The following PRKG1 variants were observed in gnomAD, a reference collection of about 807,000 sequenced individuals.
PRKG1 encodes the protein cGMP-dependent protein kinase 1.
PRKG1 carries 35 observed loss-of-function variants against 88.1 expected under a neutral mutation model. That is an observed-to-expected ratio of 0.40 (90% CI 0.30 to 0.53). PRKG1 has a LOEUF of 0.53. Ranked by LOEUF, PRKG1 falls within the 20% of genes least tolerant of loss-of-function variation. PRKG1 has a pLI of 0.59. For synonymous variants in PRKG1, 303 were observed against 292.5 expected, an observed-to-expected ratio of 1.04 and a Z score of -0.37; for missense variants, 540 against 839.8, an observed-to-expected ratio of 0.64 and a Z score of 4.41.
intron 2 of PRKG1, among the ~76,000 whole-genome samples, chr10:51,366,666 T>C (rs1842596509): frequency 6.6e-6 from 1 of 151,930 alleles, no homozygotes; most frequent in African/African-American, 2.4e-5. Flanking sequence ...AGACACACTA[T>C]TTAAATGTTT....
intron 1 of PRKG1, among the ~76,000 whole-genome samples, chr10:51,102,244 A>T (rs924463050): frequency 2.6e-5 from 4 of 152,196 alleles, no homozygotes; most frequent in Admixed American, 2.0e-4. Context: ...ATTTAACTGC[A>T]TATTTGTATA....
At chr10:51,675,797 C>T (rs998309780) in intron 3 of PRKG1, among the ~76,000 whole-genome samples, 10 of 152,026 alleles carry the variant, frequency 6.6e-5, no homozygotes, top group Non-Finnish European at 1.3e-4. Context: ...TTCTATAGTT[C>T]TTGAACAAAA....
At chr10:51,443,613 C>CCTCA (rs1417092804) in intron 2 of PRKG1, among the ~76,000 whole-genome samples, 1 of 151,914 alleles carries the variant, frequency 6.6e-6, no homozygotes, top group Non-Finnish European at 1.5e-5. Flanking sequence ...TCCCTTCAGC[C>CCTCA]CTCACTCCTG....
chr10:52,286,769 A>G (rs1052337639), intron 14 of PRKG1, among the ~76,000 whole-genome samples: 1 of 151,928 alleles, frequency 6.6e-6, no homozygotes, highest in Admixed American at 6.6e-5. Context: ...TTTAGGAATT[A>G]ATATTGGTTA....
intron 7 of PRKG1, among the ~76,000 whole-genome samples, chr10:52,069,505 G>C (rs75497325): frequency 0.037 from 5,657 of 152,126 alleles, 126 homozygotes; most frequent in Middle Eastern, 0.058. Context: ...CCTCCAGCCT[G>C]TGAGCCTGAG....
chr10:51,067,500 A>G (rs1843767791), intron 1 of PRKG1, among the ~76,000 whole-genome samples: 1 of 152,016 alleles, frequency 6.6e-6, no homozygotes, highest in Non-Finnish European at 1.5e-5. Flanking sequence ...AACAGCAGCA[A>G]TTGCTTTTAA....
chr10:51,846,778 A>T (rs1382850349), intron 4 of PRKG1, among the ~76,000 whole-genome samples: 1 of 152,178 alleles, frequency 6.6e-6, no homozygotes, highest in Non-Finnish European at 1.5e-5. Context: ...ATACAAGTTT[A>T]AACTGAATCA....
At chr10:51,447,634 C>G (rs1005728457) in intron 2 of PRKG1, among the ~76,000 whole-genome samples, 1 of 152,004 alleles carries the variant, frequency 6.6e-6, no homozygotes, top group East Asian at 1.9e-4. Flanking sequence ...CTCTCCACCT[C>G]TTCCTCTTCA....
intron 2 of PRKG1, among the ~76,000 whole-genome samples, chr10:51,403,971 C>T (rs189562195): frequency 2.6e-5 from 4 of 152,280 alleles, no homozygotes; most frequent in African/African-American, 9.6e-5. Flanking sequence ...CCTGTTAACA[C>T]TACTCCCTTT....
At chr10:52,154,808 C>G (rs1421627358) in intron 8 of PRKG1, among the ~76,000 whole-genome samples, 1 of 152,112 alleles carries the variant, frequency 6.6e-6, no homozygotes, top group Non-Finnish European at 1.5e-5. Context: ...CCACCCTTCT[C>G]CCCTGAGTCC....
At chr10:50,999,379 G>C (rs1057510884) in intron 1 of PRKG1, among the ~76,000 whole-genome samples, 1 of 152,214 alleles carries the variant, frequency 6.6e-6, no homozygotes, top group African/African-American at 2.4e-5. Flanking sequence ...GATGACTACT[G>C]TAATCAGCTT....
intron 1 of PRKG1, among the ~76,000 whole-genome samples, chr10:51,006,496 C>T (rs990830160): frequency 6.6e-6 from 1 of 152,062 alleles, no homozygotes; most frequent in Non-Finnish European, 1.5e-5. Context: ...AACTTTTAAC[C>T]CTGTGACAGG....
At chr10:51,931,896 T>C (rs1156340133) in intron 5 of PRKG1, among the ~76,000 whole-genome samples, 1 of 152,162 alleles carries the variant, frequency 6.6e-6, no homozygotes, top group Non-Finnish European at 1.5e-5. Context: ...CCAAATAGTC[T>C]ATTATAGAAT....
At chr10:51,151,369 C>A (rs1846067846) in intron 1 of PRKG1, among the ~76,000 whole-genome samples, 1 of 151,828 alleles carries the variant, frequency 6.6e-6, no homozygotes, top group Admixed American at 6.6e-5. Context: ...ACCTTTATCC[C>A]CTACCATTTA....
chr10:51,463,632 T>C lies in PRKG1; in HGVS notation c.479-4091T>C, dbSNP rs76929085. On this transcript the variant is annotated intron_variant, in intron 2 of 17. Coordinates refer to ENST00000373980, the MANE Select transcript of PRKG1 (RefSeq NM_006258.4). ...GGGTGTACGCAGAAAGCTTTTATTA[T>C]TCTTAGCTTTCTTAGGTGAACCACA... Among the ~76,000 whole-genome samples, 232 of 152,350 alleles carry C rather than the reference T, an allele frequency of 1.5e-3. 1 individual carries two copies. The highest frequency in any genetic ancestry group is 5.4e-3 in the African/African-American group (225 of 41,590).
At position 51,202,438 on chromosome 10, in the gene PRKG1, T is replaced by A. The variant is rs111740910; in HGVS notation, c.478+49108T>A. Among the ~76,000 whole-genome samples the A allele has an allele frequency of 1.0e-2, 1,517 of 152,152 alleles. 30 individuals carry two copies. Among genetic ancestry groups the A allele is most frequent in the African/African-American group, 0.035 (1,438 of 41,494 alleles). On this transcript the variant is annotated intron_variant, in intron 2 of 17. Coordinates refer to ENST00000373980, the MANE Select transcript of PRKG1 (RefSeq NM_006258.4). ...CACCGTTCTATCCTGCTTTTCTCAC[T>A]CCCCAGAAGATTTCTCCTGAGAACA...
At chr10:52,056,440 T>G (rs994901220) in intron 6 of PRKG1, among the ~76,000 whole-genome samples, 1 of 152,230 alleles carries the variant, frequency 6.6e-6, no homozygotes, top group Non-Finnish European at 1.5e-5. Flanking sequence ...AGTGCAAATT[T>G]TACTGCCTAA....
At chr10:51,188,494 A>G (rs911485988) in intron 2 of PRKG1, among the ~76,000 whole-genome samples, 1 of 152,012 alleles carries the variant, frequency 6.6e-6, no homozygotes, top group African/African-American at 2.4e-5. Flanking sequence ...ATTAAACATG[A>G]TATATGTTCA....
intron 7 of PRKG1, among the ~76,000 whole-genome samples, chr10:52,093,906 GCA>G (rs1409098032): frequency 1.3e-5 from 2 of 152,110 alleles, no homozygotes; most frequent in Non-Finnish European, 2.9e-5. Flanking sequence ...AGAAAATTAT[GCA>G]CACAGCGGAG....
Sources: allele counts gnomAD v4.1 joint callset (sites outside exome capture counted in the v4.1 genomes callset), GRCh38; gene constraint gnomAD v4.1.1; transcripts MANE v1.5; gene names NCBI Gene and HGNC (gene_info 2026-07-23, HGNC 2026-07-21).